The following SLC30A8 variants were observed in gnomAD, a reference collection of about 807,000 sequenced individuals.
The protein encoded by SLC30A8 is proton-coupled zinc antiporter SLC30A8.
Under a neutral mutation model 36.9 loss-of-function variants are expected in SLC30A8, and 27 were observed. The ratio of observed to expected loss-of-function variants is 0.73; its 90% CI spans 0.54 to 1.01. SLC30A8 has a LOEUF of 1.01. Ranked by LOEUF, SLC30A8 falls within the 50% of genes least tolerant of loss-of-function variation. The probability of loss-of-function intolerance (pLI) is 0.00; values close to 1 mark genes in which losing one functional copy is unlikely to be tolerated. For synonymous variants in SLC30A8, 164 were observed against 172.4 expected, an observed-to-expected ratio of 0.95 and a Z score of 0.38; for missense variants, 439 against 452.0, an observed-to-expected ratio of 0.97 and a Z score of 0.26.
At chr8:117,057,204 C>T (rs372852994) in intron 2 of SLC30A8, among the ~76,000 whole-genome samples, 1 of 152,124 alleles carries the variant, frequency 6.6e-6, no homozygotes, top group African/African-American at 2.4e-5. Context: ...AAAGGACAAA[C>T]AAGCTCCCTG....
intron 1 of SLC30A8, among the ~76,000 whole-genome samples, chr8:117,036,031 G>A (rs181056564): frequency 7.6e-4 from 116 of 152,240 alleles, no homozygotes; most frequent in African/African-American, 2.7e-3. Flanking sequence ...AAATGCTCTA[G>A]GGGCATTTTC....
At chr8:116,990,338 G>A (rs1815591306) in intron 1 of SLC30A8, among the ~76,000 whole-genome samples, 2 of 151,988 alleles carry the variant, frequency 1.3e-5, no homozygotes, top group Admixed American at 6.6e-5. Flanking sequence ...TAGCTCTACA[G>A]TGGAGGAATC....
intron 2 of SLC30A8, among the ~76,000 whole-genome samples, chr8:117,085,450 C>T (rs1339497302): frequency 6.6e-6 from 1 of 152,072 alleles, no homozygotes; most frequent in African/African-American, 2.4e-5. Context: ...AATGGAATTC[C>T]AAGTTGTTTC....
intron 2 of SLC30A8, among the ~76,000 whole-genome samples, chr8:117,056,355 G>A (rs971199969): frequency 1.2e-4 from 18 of 152,098 alleles, no homozygotes; most frequent in Non-Finnish European, 2.4e-4. Context: ...CACCACAGCA[G>A]TAGCTTTAAG....
intron 2 of SLC30A8, chr8:117,147,407 G>T: frequency 2.4e-6 from 1 of 414,150 alleles, no homozygotes; most frequent in Non-Finnish European, 4.4e-6. Flanking sequence ...ATAGCTCACA[G>T]GTTTTATTTT....
chr8:117,044,840 G>T (rs1429344743), intron 2 of SLC30A8, among the ~76,000 whole-genome samples: 2 of 152,210 alleles, frequency 1.3e-5, no homozygotes, highest in Non-Finnish European at 2.9e-5. Flanking sequence ...AAATACTGCT[G>T]CAGGACCGCG....
intron 2 of SLC30A8, among the ~76,000 whole-genome samples, chr8:117,051,399 G>A (rs1179523662): frequency 6.6e-6 from 1 of 152,218 alleles, no homozygotes; most frequent in East Asian, 1.9e-4. Context: ...CAGTGTTGGA[G>A]GCGGGGCCTC....
At chr8:117,028,885 C>T (rs1343263491) in intron 1 of SLC30A8, among the ~76,000 whole-genome samples, 1 of 151,948 alleles carries the variant, frequency 6.6e-6, no homozygotes, top group Non-Finnish European at 1.5e-5. Context: ...GAGGTGGCCT[C>T]AATTTACTAG....
chr8:116,968,647 G>T (rs1049930268), intron 1 of SLC30A8, among the ~76,000 whole-genome samples: 2 of 125,612 alleles, frequency 1.6e-5, no homozygotes, highest in East Asian at 5.9e-4. Context: ...TCATGACAAT[G>T]AATATATATA....
intron 1 of SLC30A8, among the ~76,000 whole-genome samples, chr8:116,962,773 T>C (rs1180452402): frequency 6.6e-6 from 1 of 152,032 alleles, no homozygotes; most frequent in Non-Finnish European, 1.5e-5. Flanking sequence ...TTCAGTTTAT[T>C]GGAAGAAAAA....
At chr8:116,971,080 T>C (rs1814779976) in intron 1 of SLC30A8, among the ~76,000 whole-genome samples, 1 of 151,484 alleles carries the variant, frequency 6.6e-6, no homozygotes, top group Admixed American at 6.6e-5. Flanking sequence ...GGGCGAAGAG[T>C]GAGACTCTGT....
At chr8:117,097,271 C>T (rs1819411488) in intron 2 of SLC30A8, among the ~76,000 whole-genome samples, 2 of 147,574 alleles carry the variant, frequency 1.4e-5, no homozygotes, top group Non-Finnish European at 3.0e-5. Flanking sequence ...TGGTGGCAGG[C>T]GCCTGTAGTC....
chr8:117,081,635 C>G (rs1818680879), intron 2 of SLC30A8, among the ~76,000 whole-genome samples: 1 of 152,164 alleles, frequency 6.6e-6, no homozygotes, highest in South Asian at 2.1e-4. Context: ...GGAGAATGAG[C>G]ATTCTCTTGT....
At chr8:116,954,051 AACTT>A (rs781480425) in intron 1 of SLC30A8, among the ~76,000 whole-genome samples, 4 of 152,196 alleles carry the variant, frequency 2.6e-5, no homozygotes, top group African/African-American at 9.7e-5. Flanking sequence ...GAGTAGTCCT[AACTT>A]AGAAATAATT....
chr8:117,022,934 T>G (rs1816748456), intron 1 of SLC30A8, among the ~76,000 whole-genome samples: 2 of 152,266 alleles, frequency 1.3e-5, no homozygotes, highest in African/African-American at 4.8e-5. Context: ...ATCAGATGAA[T>G]AGGCAACCTA....
At chr8:117,022,981 A>T (rs529134377) in intron 1 of SLC30A8, among the ~76,000 whole-genome samples, 38 of 152,358 alleles carry the variant, frequency 2.5e-4, no homozygotes, top group African/African-American at 9.1e-4. Context: ...TTCTCATCTG[A>T]CAAAGGGCTA....
intron 1 of SLC30A8, among the ~76,000 whole-genome samples, chr8:116,998,127 A>G (rs1346664567): frequency 1.3e-5 from 2 of 152,256 alleles, no homozygotes; most frequent in African/African-American, 4.8e-5. Flanking sequence ...AAGGTGATGT[A>G]GTAGACTGAT....
intron 2 of SLC30A8, among the ~76,000 whole-genome samples, chr8:117,056,461 C>T (rs1383098840): frequency 6.6e-6 from 1 of 152,180 alleles, no homozygotes; most frequent in East Asian, 1.9e-4. Flanking sequence ...TTTACCCTCC[C>T]TAAGCAGCCA....
intron 1 of SLC30A8, chr8:117,146,743 A>G (rs531568902): frequency 4.9e-6 from 6 of 1,231,324 alleles, no homozygotes; most frequent in Non-Finnish European, 6.4e-6. Flanking sequence ...TTGACTGAAT[A>G]AAAGTAAAAC....
Sources: allele counts gnomAD v4.1 joint callset (sites outside exome capture counted in the v4.1 genomes callset), GRCh38; gene constraint gnomAD v4.1.1; transcripts MANE v1.5; gene names NCBI Gene and HGNC (gene_info 2026-07-23, HGNC 2026-07-21).